RHOBTB3: variants seen among roughly 807,000 people sequenced by gnomAD.
RHOBTB3 encodes Rho related BTB domain containing 3, also known as rho-related BTB domain-containing protein 3.
RHOBTB3 carries 47 observed loss-of-function variants against 67.2 expected under a neutral mutation model. The ratio of observed to expected loss-of-function variants is 0.70; its 90% CI spans 0.55 to 0.89. The LOEUF is 0.89. RHOBTB3 is among the 40% of genes least tolerant of loss of function. The pLI is 0.00. For synonymous variants in RHOBTB3, 273 were observed against 274.2 expected (o/e 1.00, Z 0.04); for missense variants, 631 against 750.0 (o/e 0.84, Z 1.85).
chr5:95,755,335 A>G (rs1745210561), intron 5 of RHOBTB3, 61 bp from the exon 6 acceptor site: 1 of 1,189,382 alleles, frequency 8.4e-7, no homozygotes, highest in South Asian at 2.5e-5. Flanking sequence ...AGTAAACATG[A>G]AATTGTTGGG....
Position 95,793,115 on chromosome 5 carries a change from C to G in RHOBTB3, c.1777C>G (p.Gln593Glu), listed in dbSNP as rs190681125. 1.0e-4 allele frequency: 163 copies of G among 1,613,426 alleles called. No homozygotes were observed. The East Asian group carries it at 3.6e-3, about 36-fold the overall frequency. Residue 593 changes from glutamine to glutamate, a missense_variant, in exon 12 of 12, where the codon CAG becomes GAG. By Grantham distance (29) the Gln-to-Glu change is conservative. Transcript: ENST00000379982. ...HRWPSNMYLK[Q>E]LAEYRKYIHS... ...ATGGCCGTCGAATATGTACTTGAAG[C>G]AGCTTGCGGAATACAGGAAGTATAT...
At chr5:95,784,512 G>A (rs1451235844) in intron 10 of RHOBTB3, among the ~76,000 whole-genome samples, 2 of 152,086 alleles carry the variant, frequency 1.3e-5, no homozygotes, top group Non-Finnish European at 2.9e-5. Context: ...AGCAATCACT[G>A]CCGTATGTGT....
chr5:95,738,384 C>G (rs1755509106), intron 3 of RHOBTB3, among the ~76,000 whole-genome samples: 2 of 152,190 alleles, frequency 1.3e-5, no homozygotes, highest in African/African-American at 4.8e-5. Context: ...TTTGTTCTCC[C>G]TCAGGGTCTC....
intron 8 of RHOBTB3, among the ~76,000 whole-genome samples, chr5:95,772,985 C>T (rs1357955283): frequency 6.6e-6 from 1 of 152,190 alleles, no homozygotes; most frequent in Non-Finnish European, 1.5e-5. Context: ...TCTCCCATCC[C>T]CACCTTTTCT....
At chr5:95,780,538 C>T (rs919680233) in intron 9 of RHOBTB3, 113 bp downstream of exon 9, 2 of 895,392 alleles carry the variant, frequency 2.2e-6, no homozygotes, top group African/African-American at 3.3e-5. Context: ...TAGTTGACAT[C>T]ACGGAATGTA....
rs1755245915 is a variant in RHOBTB3, at chr5:95,731,519, C to G, written c.-164C>G. The G allele has an allele frequency of 1.6e-6, 2 of 1,262,406 alleles. No individual in the cohort carries two copies. The highest frequency in any genetic ancestry group is 2.0e-6 in the Non-Finnish European group (2 of 1,008,218). The allele number at this position is 1,262,406 out of a possible 1,614,324, so 78.2% of individuals were successfully genotyped here. ...TCCCCGGCTCGCTCGCTGGCTGGCGCGGCCCCGGCCCCGCTCTGCGTCGGC... is the reference window on the plus strand; with the variant it reads ...TCCCCGGCTCGCTCGCTGGCTGGCGGGGCCCCGGCCCCGCTCTGCGTCGGC... On this transcript the variant is annotated 5_prime_UTR_variant, in exon 1 of 12. Coordinates refer to ENST00000379982, the MANE Select transcript of RHOBTB3 (RefSeq NM_014899.4).
chr5:95,745,857 A>G (rs768286633), intron 3 of RHOBTB3, among the ~76,000 whole-genome samples: 24 of 152,124 alleles, frequency 1.6e-4, no homozygotes, highest in Non-Finnish European at 3.1e-4. Context: ...GCTATAACCA[A>G]TACAAGCCAG....
intron 10 of RHOBTB3, among the ~76,000 whole-genome samples, chr5:95,784,569 A>C (rs904954936): frequency 1.3e-5 from 2 of 152,114 alleles, no homozygotes; most frequent in African/African-American, 4.8e-5. Flanking sequence ...TTTTGTTTTC[A>C]ATAATTATAT....
intron 7 of RHOBTB3, among the ~76,000 whole-genome samples, chr5:95,765,381 T>TA (rs1485208846): frequency 6.6e-6 from 1 of 152,226 alleles, no homozygotes; most frequent in Non-Finnish European, 1.5e-5. Flanking sequence ...GGCTGGGTGA[T>TA]ACGATTCCAT....
At chr5:95,754,144 G>A (rs1745175409) in intron 5 of RHOBTB3, among the ~76,000 whole-genome samples, 1 of 152,152 alleles carries the variant, frequency 6.6e-6, no homozygotes, top group African/African-American at 2.4e-5. Context: ...GTCTTCATGT[G>A]AGGGCACTAA....
At chr5:95,730,838 A>G (rs781011412), upstream of RHOBTB3, 1 of 452,034 alleles carries the variant, frequency 2.2e-6, no homozygotes. Flanking sequence ...TTTTCTCACA[A>G]GTATGATTTT....
chr5:95,763,802 T>TTGTG (rs60736311), intron 7 of RHOBTB3, among the ~76,000 whole-genome samples, 182 bp downstream of exon 7: 1,740 of 148,692 alleles, frequency 0.012, 21 homozygotes, highest in South Asian at 0.052. Context: ...GTATCTTAGA[T>TTGTG]TGTGTGTGTG....
Position 95,783,852 on chromosome 5 carries a change from C to G in RHOBTB3, c.1512C>G (p.Ser504=). The stretch of plus-strand genomic sequence containing the variant: ...TCTGTGCCGAGATGTACCAAGTGTC[C>G]AGACTGCAGCACATCTGTGAGCTGT... ...LLICAEMYQV[S]RLQHICELFI... Residue 504 remains serine (S), a synonymous_variant, in exon 10 of 12, where the codon TCC becomes TCG. Coordinates refer to ENST00000379982, the MANE Select transcript of RHOBTB3 (RefSeq NM_014899.4). 6.2e-7 allele frequency: 1 copy of G among 1,613,822 alleles called. No individual in the cohort carries two copies. The highest frequency in any genetic ancestry group is 8.5e-7 in the Non-Finnish European group (1 of 1,179,854).
rs570564911 is a variant in RHOBTB3 at position 95,739,811 on chromosome 5, C to T, written c.415+2736C>T. 1.6e-4 allele frequency among the ~76,000 whole-genome samples: 24 copies of T among 152,340 alleles called. No individual in the cohort carries two copies. The South Asian group carries it at 4.8e-3, about 30-fold the overall frequency. ...CTGCCCCCCTCAGTCTCCCAAAGTG[C>T]TGGGGTTACAGGCGTGAGCCACCAC... On this transcript the variant is annotated intron_variant, in intron 3 of 11. Transcript: ENST00000379982.
In RHOBTB3 at chr5:95,783,969, T is replaced by C. The variant is rs750811963; in HGVS notation, c.1623+6T>C. 1.9e-6 allele frequency: 3 copies of C among 1,602,902 alleles called. No homozygotes were observed. Among genetic ancestry groups the C allele is most frequent in the South Asian group, 2.2e-5 (2 of 89,382 alleles). Reference sequence around the variant, plus strand: ...ACCTGCTTAAAAAGGCCAAGGTAATTGACTCTGTGTATCTGATAGCCTAGT... The same window carrying C: ...ACCTGCTTAAAAAGGCCAAGGTAATCGACTCTGTGTATCTGATAGCCTAGT... On this transcript the variant is annotated splice_donor_region_variant and intron_variant, in intron 10 of 11. Coordinates refer to ENST00000379982, the MANE Select transcript of RHOBTB3 (RefSeq NM_014899.4).
At chr5:95,760,109 A>G (rs1745356064) in intron 6 of RHOBTB3, among the ~76,000 whole-genome samples, 1 of 152,192 alleles carries the variant, frequency 6.6e-6, no homozygotes, top group African/African-American at 2.4e-5. Flanking sequence ...TCCGGTTAAC[A>G]TTTTACACCT....
At chr5:95,755,359 AAGG>A (rs753575167) in intron 5 of RHOBTB3, 34 bp from the exon 6 acceptor site, 2 of 1,436,140 alleles carry the variant, frequency 1.4e-6, no homozygotes, top group Admixed American at 5.1e-5. Flanking sequence ...GTAAACCTGA[AAGG>A]AGTTTATTAT....
At chr5:95,741,523 G>GTTTTTTTTT (rs70978191) in intron 3 of RHOBTB3, among the ~76,000 whole-genome samples, 1 of 84,852 alleles carries the variant, frequency 1.2e-5, no homozygotes, top group African/African-American at 4.6e-5. Flanking sequence ...CTTTCTTTCT[G>GTTTTTTTTT]TTTTTTTTTT....
chr5:95,770,227 G>T, intron 8 of RHOBTB3: 1 of 301,076 alleles, frequency 3.3e-6, no homozygotes. Context: ...GAAGGTTGGT[G>T]TAACAAGTGA....
Sources: gnomAD v4.1 joint callset for allele counts (sites outside exome capture counted in the v4.1 genomes callset) on GRCh38, gnomAD v4.1.1 for gene constraint, MANE v1.5 for transcripts, NCBI Gene and HGNC (gene_info 2026-07-23, HGNC 2026-07-21) for gene names.